CREBBP: variants seen among roughly 807,000 people sequenced by gnomAD.
CREBBP encodes CREB binding lysine acetyltransferase, also known as CREB-binding protein.
In CREBBP, 19 loss-of-function variants were observed where a neutral mutation model predicts 265.0. The ratio of observed to expected loss-of-function variants is 0.07; its 90% CI spans 0.05 to 0.11. The LOEUF is 0.11. Ranked by LOEUF, CREBBP falls within the 10% of genes least tolerant of loss-of-function variation. The probability of loss-of-function intolerance (pLI) is 1.00; values close to 1 mark genes in which losing one functional copy is unlikely to be tolerated. For missense variants in CREBBP, 2,525 were observed against 3,219.0 expected (o/e 0.78, Z 5.22); for synonymous variants, 1,457 against 1,223.7 (o/e 1.19, Z -3.98).
chr16:3,742,104 A>C (rs1432984475), intron 23 of CREBBP: 3 of 152,284 alleles, frequency 2.0e-5, no homozygotes, highest in African/African-American at 4.8e-5. Flanking sequence ...AAACAAAAAA[A>C]AAACAAAAAA....
At chr16:3,773,953 A>G (rs752932844) in intron 12 of CREBBP, 23 bp from the exon 13 acceptor site, 2 of 1,612,106 alleles carry the variant, frequency 1.2e-6, no homozygotes, top group Non-Finnish European at 1.7e-6. Context: ...AAGCACCACC[A>G]GAGCTGTAGT....
At chr16:3,729,895 C>G (rs757384996) in intron 30 of CREBBP, 21 bp from the exon 31 acceptor site, 17 of 1,599,264 alleles carry the variant, frequency 1.1e-5, no homozygotes, top group Non-Finnish European at 1.3e-5. Context: ...GGAAAGGGGA[C>G]AGGCCGGTGT....
chr16:3,829,777 A>G (rs1417630670), intron 2 of CREBBP, among the ~76,000 whole-genome samples: 2 of 152,248 alleles, frequency 1.3e-5, no homozygotes, highest in Non-Finnish European at 2.9e-5. Context: ...ACACAGTCTA[A>G]AAGTACTGGA....
chr16:3,738,464 G>T (rs1033919144), intron 26 of CREBBP, 95 bp downstream of exon 26: 1 of 791,106 alleles, frequency 1.3e-6, no homozygotes, highest in Non-Finnish European at 2.2e-6. Flanking sequence ...AAATAAAAAC[G>T]CATAAAACTT....
intron 11 of CREBBP, among the ~76,000 whole-genome samples, chr16:3,776,784 G>A (rs183837582): frequency 3.3e-5 from 5 of 152,030 alleles, no homozygotes; most frequent in African/African-American, 9.6e-5. Context: ...AGGCCAAGGT[G>A]GGCAGATCAC....
chr16:3,778,286 T>A, intron 9 of CREBBP, 104 bp from the exon 10 acceptor site: 2 of 944,300 alleles, frequency 2.1e-6, no homozygotes, highest in Non-Finnish European at 3.3e-6. Context: ...TTGAGTACAC[T>A]GGCAAAAGTA....
chr16:3,872,332 C>G (rs1412387138), intron 1 of CREBBP, among the ~76,000 whole-genome samples: 1 of 152,184 alleles, frequency 6.6e-6, no homozygotes, highest in African/African-American at 2.4e-5. Flanking sequence ...CAAATCTCTT[C>G]AAGTCACAGC....
Position 3,731,705 on chromosome 16 carries a change from C to G in CREBBP, c.4890+71G>C. On this transcript the variant is annotated intron_variant, in intron 29 of 30. Coordinates refer to ENST00000262367, the MANE Select transcript of CREBBP (RefSeq NM_004380.3). The surrounding 1 kb of genome is among the most constrained non-coding windows in gnomAD (Gnocchi z 7.7). ...CACCACAGACCTGCACACGGGCCCA[C>G]GCCCGCCAGCTGCGAGTCTTTCCCT... is the stretch of plus-strand genomic sequence containing the variant. The G allele has an allele frequency of 6.2e-7, 1 of 1,603,188 alleles. No individual in the cohort carries two copies.
rs1596854369 is a variant in CREBBP, at chr16:3,757,984, CCT to C, written c.3432_3433del (p.Gly1145AlafsTer23). 6.2e-7 allele frequency: 1 copy of C among 1,613,622 alleles called. No homozygotes were observed. Among genetic ancestry groups the C allele is most frequent in the Non-Finnish European group, 8.5e-7 (1 of 1,179,972 alleles). ...GTACTGCCAGGGCTCTTGGTATTGC[CCT>C]GTGTCCAGCTTCCGCTTGATGGTGG... On this transcript the variant is annotated frameshift_variant, in exon 18 of 31. Coordinates refer to ENST00000262367, the MANE Select transcript of CREBBP (RefSeq NM_004380.3). LOFTEE classifies it high-confidence loss of function.
At chr16:3,824,271 G>C (rs1178808799) in intron 2 of CREBBP, among the ~76,000 whole-genome samples, 3 of 152,274 alleles carry the variant, frequency 2.0e-5, no homozygotes, top group Admixed American at 2.0e-4. Context: ...CTACGCCTCT[G>C]CAACCTCATC....
At chr16:3,865,975 A>T (rs2055171731) in intron 1 of CREBBP, among the ~76,000 whole-genome samples, 1 of 152,162 alleles carries the variant, frequency 6.6e-6, no homozygotes, top group African/African-American at 2.4e-5. Context: ...CACTGGGGAT[A>T]TACTGGCCCA....
Position 3,728,210 on chromosome 16 carries a change from C to A in CREBBP, c.6837G>T (p.Leu2279=), listed in dbSNP as rs1157928466. The change falls in exon 31 of 31, where the codon CTG becomes CTT. Residue 2279 remains leucine (L), a synonymous_variant. Transcript: ENST00000262367. The surrounding 1 kb of genome is among the most constrained non-coding windows in gnomAD (Gnocchi z 8.7). ...GGATGTTGGGGGTGCTGTCTGCCCC[C>A]AGCCCCGGCTGCCCCATCTGGCCAA... ...GQLGQMGQPG[L]GADSTPNIQQ... The A allele has an allele frequency of 8.1e-6, 13 of 1,613,812 alleles. No homozygotes were observed. Among genetic ancestry groups the A allele is most frequent in the South Asian group, 1.1e-5 (1 of 91,070 alleles).
chr16:3,834,594 C>A lies in CREBBP; in HGVS notation c.798+15703G>T, dbSNP rs1296715. Among the ~76,000 whole-genome samples the A allele has an allele frequency of 3.9e-5, 6 of 152,236 alleles. 1 individual carries two copies. The highest frequency in any genetic ancestry group is 6.5e-5 in the Admixed American group (1 of 15,284). ...AGTGAAAATACTCTGCATGACACTACAATGATGCACATCATTATACATTTG... is the reference window on the plus strand; with the variant it reads ...AGTGAAAATACTCTGCATGACACTAAAATGATGCACATCATTATACATTTG... On this transcript the variant is annotated intron_variant, in intron 2 of 30. Transcript: ENST00000262367.
chr16:3,773,870 T>C lies in CREBBP; in HGVS notation c.2344A>G (p.Asn782Asp), dbSNP rs1159173242. Residue 782 changes from asparagine to aspartate, a missense_variant, in exon 13 of 31, where the codon AAC becomes GAC. This residue lies in a region of CREBBP where 548 missense variants were observed against 533.0 expected (regional missense o/e 1.03). Transcript: ENST00000262367. ...TGAGCGGGCGCCTGGGCCATCATGT[T>C]GTTGGTGTGTGCACCCATCATGTTC... ...PPNMMGAHTN[N>D]MMAQAPAQSQ... The C allele has an allele frequency of 1.9e-6, 3 of 1,612,238 alleles. No homozygotes were observed. The highest frequency in any genetic ancestry group is 2.5e-6 in the Non-Finnish European group (3 of 1,180,040).
At chr16:3,855,878 G>C (rs1204986385) in intron 1 of CREBBP, among the ~76,000 whole-genome samples, 1 of 152,190 alleles carries the variant, frequency 6.6e-6, no homozygotes, top group Non-Finnish European at 1.5e-5. Flanking sequence ...CATAACTACT[G>C]TTTTGTTTGT....
chr16:3,792,807 C>A (rs915882761), intron 4 of CREBBP, among the ~76,000 whole-genome samples: 2 of 152,194 alleles, frequency 1.3e-5, no homozygotes, highest in Non-Finnish European at 2.9e-5. Context: ...GAGGTGTCTG[C>A]GGTAAAAGGG....
At chr16:3,876,980 T>C (rs2055416597) in intron 1 of CREBBP, among the ~76,000 whole-genome samples, 1 of 152,154 alleles carries the variant, frequency 6.6e-6, no homozygotes, top group African/African-American at 2.4e-5. Context: ...CTCAGCTCAC[T>C]GCCACCCTTC....
chr16:3,852,035 CAAAAAAAAAAAAAAAAAAAAAAA>C (rs551018184), intron 1 of CREBBP, among the ~76,000 whole-genome samples: 119 of 11,194 alleles, frequency 0.011, 2 homozygotes, highest in East Asian at 0.047. Context: ...GACTCCATCT[CAAAAAAAAAAAAAAAAAAAAAAA>C]AAAAAAAAAA....
chr16:3,863,003 A>G (rs1442385347), intron 1 of CREBBP, among the ~76,000 whole-genome samples: 2 of 152,220 alleles, frequency 1.3e-5, no homozygotes, highest in African/African-American at 2.4e-5. Flanking sequence ...GATGAACTTC[A>G]AAGTTTGAAT....
Sources: gnomAD v4.1 joint callset for allele counts (sites outside exome capture counted in the v4.1 genomes callset) on GRCh38, gnomAD v4.1.1 for gene constraint, gnomAD v4.1.1 regional missense constraint, Gnocchi (gnomAD v3.1) non-coding constraint, MANE v1.5 for transcripts, NCBI Gene and HGNC (gene_info 2026-07-23, HGNC 2026-07-21) for gene names.